LHX9: variants seen among roughly 807,000 people sequenced by gnomAD.
LHX9 encodes the protein LIM homeobox 9.
Under a neutral mutation model 36.5 loss-of-function variants are expected in LHX9, and 9 were observed. The observed-to-expected ratio is 0.25, with a 90% CI of 0.15 to 0.43. The LOEUF is 0.43. Ranked by LOEUF, LHX9 falls within the 20% of genes least tolerant of loss-of-function variation. LHX9 has a pLI of 1.00. For synonymous variants in LHX9, 211 were observed against 212.1 expected, an observed-to-expected ratio of 0.99 and a Z score of 0.04; for missense variants, 464 against 526.4, an observed-to-expected ratio of 0.88 and a Z score of 1.16.
intron 3 of LHX9, among the ~76,000 whole-genome samples, chr1:197,926,679 GC>G (rs1660150025): frequency 6.6e-6 from 1 of 152,186 alleles, no homozygotes. Flanking sequence ...CAGGGGCACA[GC>G]TCACATCCCA....
At position 197,921,490 on chromosome 1, in the gene LHX9, G is replaced by A. The variant is rs1374613493; in HGVS notation, c.564G>A (p.Glu188=). 1.2e-6 allele frequency: 2 copies of A among 1,614,224 alleles called. No individual in the cohort carries two copies. Among genetic ancestry groups the A allele is most frequent in the Non-Finnish European group, 1.7e-6 (2 of 1,180,044 alleles). ...DSLVYCRAHF[E]TLLQGEYPPQ... ...TGGTGTACTGCCGCGCCCACTTCGA[G>A]ACCCTCTTGCAAGGAGAGTATCCAC... Residue 188 remains glutamate (E), a synonymous_variant, in exon 3 of 5, where the codon GAG becomes GAA. Transcript: ENST00000367387. The surrounding 1 kb of genome is among the most constrained non-coding windows in gnomAD (Gnocchi z 4.6).
chr1:197,932,302 A>G lies in LHX9; in HGVS notation c.*3043A>G, dbSNP rs969093614. ...TCACACATTTGTCAAGCACAGTTGT[A>G]AAATAAAGTCCAAAACATTCATTTC... On this transcript the variant is annotated 3_prime_UTR_variant, in exon 5 of 5. Coordinates refer to ENST00000367387, the MANE Select transcript of LHX9 (RefSeq NM_020204.3). 3 of 223,284 alleles carry G rather than the reference A, an allele frequency of 1.3e-5. No individual in the cohort carries two copies. The highest frequency in any genetic ancestry group is 6.8e-5 in the African/African-American group (3 of 44,178). 13.8% of individuals were successfully genotyped at this position (223,284 alleles called of 1,614,324 possible).
In LHX9 at chr1:197,930,601, C is replaced by T. The variant is rs1660303850; in HGVS notation, c.*1342C>T. On this transcript the variant is annotated 3_prime_UTR_variant, in exon 5 of 5. Coordinates refer to ENST00000367387, the MANE Select transcript of LHX9 (RefSeq NM_020204.3). ...TTGCACATATTTTCCACTTTTTGGA[C>T]CCCTTAAATCTCCTTTGGTGGTCGA... 6.6e-6 allele frequency: 1 copy of T among 151,880 alleles called. No homozygotes were observed. The highest frequency in any genetic ancestry group is 2.1e-4 in the South Asian group (1 of 4,820). The allele number at this position is 151,880 out of a possible 1,614,324, so 9.4% of individuals were successfully genotyped here. A position where few individuals can be genotyped will look rare whatever the true frequency, so the allele number is the denominator to read the frequency against.
Position 197,928,902 on chromosome 1 carries a change from AAAAG to A in LHX9, c.937-88_937-85del, listed in dbSNP as rs1322128968. On this transcript the variant is annotated intron_variant, in intron 4 of 4. Transcript: ENST00000367387. ...AAGGAGAAACCTATATCAAAAAAAA[AAAAG>A]AAAGAAAGAAAAAGAAAAAAAGAAA... 69 of 1,349,324 alleles carry A rather than the reference AAAAG, an allele frequency of 5.1e-5. No homozygotes were observed. In the African/African-American group the frequency reaches 7.7e-4, roughly 15 times the overall value. 83.6% of individuals were successfully genotyped at this position (1,349,324 alleles called of 1,614,324 possible).
chr1:197,930,775 T>A lies in LHX9; in HGVS notation c.*1516T>A, dbSNP rs999752579. ...TTAGCACAGAAAGTAGCTTATTTTT[T>A]AAAAAAAGATGATGGAAGATAAGTT... On this transcript the variant is annotated 3_prime_UTR_variant, in exon 5 of 5. Coordinates refer to ENST00000367387, the MANE Select transcript of LHX9 (RefSeq NM_020204.3). 4.6e-5 allele frequency: 7 copies of A among 151,904 alleles called. No individual in the cohort carries two copies. Among genetic ancestry groups the A allele is most frequent in the East Asian group, 3.9e-4 (2 of 5,194 alleles). The allele number at this position is 151,904 out of a possible 1,614,324, so 9.4% of individuals were successfully genotyped here.
chr1:197,928,074 C>T (rs1460744330), intron 4 of LHX9, among the ~76,000 whole-genome samples: 1 of 152,140 alleles, frequency 6.6e-6, no homozygotes, highest in Non-Finnish European at 1.5e-5. Context: ...TGTGCAAATG[C>T]GAGTGATGTT....
intron 3 of LHX9, among the ~76,000 whole-genome samples, chr1:197,923,635 A>C (rs1660060493): frequency 6.6e-6 from 1 of 152,126 alleles, no homozygotes; most frequent in Non-Finnish European, 1.5e-5. Context: ...GGCAAGCCTG[A>C]CTTTTTGATT....
intron 2 of LHX9, among the ~76,000 whole-genome samples, chr1:197,920,513 G>A (rs1473230863): frequency 6.6e-6 from 1 of 152,106 alleles, no homozygotes; most frequent in Admixed American, 6.5e-5. Flanking sequence ...TTTGTTTTCC[G>A]CTTGCTACGA....
In LHX9 at chr1:197,932,131, C is replaced by T. The variant is rs1054553803; in HGVS notation, c.*2872C>T. On this transcript the variant is annotated 3_prime_UTR_variant, in exon 5 of 5. Transcript: ENST00000367387. ...TGTCATTTACTGAATGTTAACGAAA[C>T]TTGTGTTCTTTATGGTGTCTAACAC... 1 of 565,544 alleles carries T rather than the reference C, an allele frequency of 1.8e-6. No homozygotes were observed. Among genetic ancestry groups the T allele is most frequent in the Admixed American group, 3.2e-5 (1 of 31,390 alleles). The allele number at this position is 565,544 out of a possible 1,614,324, so 35.0% of individuals were successfully genotyped here.
chr1:197,920,205 C>A (rs1440940252), intron 2 of LHX9, 31 bp downstream of exon 2: 1 of 1,603,354 alleles, frequency 6.2e-7, no homozygotes, highest in South Asian at 1.1e-5. Context: ...TTCCTACGCC[C>A]GAGTACACCT....
intron 4 of LHX9, 47 bp from the exon 5 acceptor site, chr1:197,928,955 T>C: frequency 7.2e-7 from 1 of 1,390,094 alleles, no homozygotes; most frequent in Non-Finnish European, 9.4e-7. Context: ...AGAAAAGAAA[T>C]ATAAAAATGA....
At chr1:197,927,516 C>T in intron 3 of LHX9, 75 bp from the exon 4 acceptor site, 1 of 1,234,178 alleles carries the variant, frequency 8.1e-7, no homozygotes. Context: ...ATAGCAGTGT[C>T]ATACAGCCTG....
chr1:197,927,033 G>C (rs1291835675), intron 3 of LHX9, among the ~76,000 whole-genome samples: 3 of 152,140 alleles, frequency 2.0e-5, no homozygotes, highest in Admixed American at 6.5e-5. Context: ...ATGAGAAAAG[G>C]CTAACCCTTA....
At chr1:197,922,773 T>C (rs1163617930) in intron 3 of LHX9, among the ~76,000 whole-genome samples, 4 of 152,212 alleles carry the variant, frequency 2.6e-5, no homozygotes, top group African/African-American at 4.8e-5. Flanking sequence ...GACCTTATTA[T>C]GGCAACCCCA....
chr1:197,916,597 C>T, upstream of LHX9: 3 of 693,972 alleles, frequency 4.3e-6, 1 homozygote, highest in South Asian at 4.5e-5. Flanking sequence ...CAATTGCGTA[C>T]CCGTGTGTAC....
At chr1:197,919,471 T>G (rs1659897231) in intron 1 of LHX9, among the ~76,000 whole-genome samples, 1 of 152,090 alleles carries the variant, frequency 6.6e-6, no homozygotes, top group African/African-American at 2.4e-5. Context: ...TGAGCAGAGG[T>G]CCAATAATCT....
At chr1:197,928,914 G>T in intron 4 of LHX9, 88 bp from the exon 5 acceptor site, 5 of 1,289,622 alleles carry the variant, frequency 3.9e-6, no homozygotes, top group Non-Finnish European at 4.0e-6. Flanking sequence ...AAGAAAGAAA[G>T]AAAAAGAAAA....
intron 4 of LHX9, among the ~76,000 whole-genome samples, chr1:197,928,108 C>T (rs1328780434): frequency 6.6e-6 from 1 of 152,152 alleles, no homozygotes; most frequent in African/African-American, 2.4e-5. Flanking sequence ...GTGGCTTTAT[C>T]GATTTCCATT....
upstream of LHX9, among the ~76,000 whole-genome samples, chr1:197,914,414 T>G (rs1029736164): frequency 6.2e-5 from 9 of 144,652 alleles, no homozygotes; most frequent in African/African-American, 2.3e-4. Flanking sequence ...TTTTTTTTTG[T>G]CCCCAGCCAC....
Sources: gnomAD v4.1 joint callset for allele counts (sites outside exome capture counted in the v4.1 genomes callset) on GRCh38, gnomAD v4.1.1 for gene constraint, Gnocchi (gnomAD v3.1) non-coding constraint, MANE v1.5 for transcripts, NCBI Gene and HGNC (gene_info 2026-07-23, HGNC 2026-07-21) for gene names.